PID1: variants seen among roughly 807,000 people sequenced by gnomAD.
PID1 encodes phosphotyrosine interaction domain containing 1, also known as PTB-containing, cubilin and LRP1-interacting protein.
In PID1, 10 loss-of-function variants were observed where a neutral mutation model predicts 19.1. The ratio of observed to expected loss-of-function variants is 0.52; its 90% CI spans 0.32 to 0.89. The LOEUF is 0.89. Ranked by LOEUF, PID1 falls within the 40% of genes least tolerant of loss-of-function variation. The pLI is 0.03. For missense variants in PID1, 248 were observed against 285.3 expected (o/e 0.87, Z 0.94); for synonymous variants, 130 against 116.0 (o/e 1.12, Z -0.78).
intron 2 of PID1, among the ~76,000 whole-genome samples, chr2:229,137,057 C>G (rs1180728881): frequency 6.6e-6 from 1 of 152,160 alleles, no homozygotes; most frequent in Non-Finnish European, 1.5e-5. Context: ...AGATGAGAGA[C>G]TATTTTTATT....
intron 1 of PID1, among the ~76,000 whole-genome samples, chr2:229,229,895 T>A (rs531843679): frequency 6.6e-6 from 1 of 152,182 alleles, no homozygotes; most frequent in South Asian, 2.1e-4. Flanking sequence ...AAGAGGACAT[T>A]TGAACTTGGC....
At chr2:229,033,325 G>C (rs1693594545) in intron 2 of PID1, among the ~76,000 whole-genome samples, 1 of 152,140 alleles carries the variant, frequency 6.6e-6, no homozygotes, top group Admixed American at 6.5e-5. Context: ...AGCTTAGCTT[G>C]GGTTCCACTT....
At chr2:229,247,246 A>C (rs1234965826) in intron 1 of PID1, among the ~76,000 whole-genome samples, 1 of 152,204 alleles carries the variant, frequency 6.6e-6, no homozygotes, top group Non-Finnish European at 1.5e-5. Context: ...CTCACACAGA[A>C]ACAAAGCCTG....
intron 2 of PID1, among the ~76,000 whole-genome samples, chr2:229,097,754 A>C (rs937377723): frequency 6.6e-6 from 1 of 152,124 alleles, no homozygotes; most frequent in African/African-American, 2.4e-5. Flanking sequence ...CTAACCGAAA[A>C]AGCTGAAAGT....
At chr2:229,068,228 G>A (rs1694371934) in intron 2 of PID1, among the ~76,000 whole-genome samples, 1 of 152,140 alleles carries the variant, frequency 6.6e-6, no homozygotes, top group Admixed American at 6.5e-5. Flanking sequence ...GGGGAGTTCT[G>A]GGGAGGACTC....
At chr2:229,223,850 G>C (rs950454749) in intron 1 of PID1, among the ~76,000 whole-genome samples, 1 of 152,186 alleles carries the variant, frequency 6.6e-6, no homozygotes, top group Non-Finnish European at 1.5e-5. Flanking sequence ...GCATAATGCT[G>C]AGGTTTGGGT....
chr2:229,266,145 T>A (rs1458512605), intron 1 of PID1, among the ~76,000 whole-genome samples: 1 of 152,276 alleles, frequency 6.6e-6, no homozygotes, highest in South Asian at 2.1e-4. Flanking sequence ...TCAACTACAA[T>A]TGATGAAAAC....
intron 1 of PID1, among the ~76,000 whole-genome samples, chr2:229,251,944 T>TAAAAA (rs11284650): frequency 1.4e-3 from 103 of 71,288 alleles, no homozygotes; most frequent in African/African-American, 2.0e-3. Flanking sequence ...AACCATAAGC[T>TAAAAA]AAAAAAAAAA....
At chr2:229,201,463 T>C (rs181603537) in intron 1 of PID1, among the ~76,000 whole-genome samples, 42 of 152,218 alleles carry the variant, frequency 2.8e-4, no homozygotes, top group Non-Finnish European at 4.1e-4. Context: ...ATTCCCTTCC[T>C]GTTTAAGGCT....
intron 2 of PID1, among the ~76,000 whole-genome samples, chr2:229,073,981 T>C (rs1694508808): frequency 6.6e-6 from 1 of 152,242 alleles, no homozygotes; most frequent in Non-Finnish European, 1.5e-5. Context: ...TTTCCCATCC[T>C]GGGGCCATAC....
At chr2:229,156,960 A>C (rs1055372260) in intron 1 of PID1, among the ~76,000 whole-genome samples, 2 of 152,110 alleles carry the variant, frequency 1.3e-5, no homozygotes, top group Non-Finnish European at 2.9e-5. Context: ...TGTCGTAGGT[A>C]TTTGCAAGTC....
intron 1 of PID1, among the ~76,000 whole-genome samples, chr2:229,181,721 T>C (rs1030381030): frequency 6.6e-6 from 1 of 152,150 alleles, no homozygotes. Context: ...AGAAATGACA[T>C]GCTGCTTTAT....
chr2:229,266,870 T>C (rs1314906949), intron 1 of PID1, among the ~76,000 whole-genome samples: 1 of 152,226 alleles, frequency 6.6e-6, no homozygotes, highest in Non-Finnish European at 1.5e-5. Flanking sequence ...CTTGCTCCTT[T>C]TGTCAATTTG....
chr2:229,248,038 G>C lies in PID1; in HGVS notation c.30+22976C>G, dbSNP rs1024237046. ...TTCCTCCCTTTACCCACATGCATTT[G>C]AGAGTAAGATACAGACGCTATTTCC... On this transcript the variant is annotated intron_variant, in intron 1 of 2. Coordinates refer to ENST00000392055, the MANE Select transcript of PID1 (RefSeq NM_001100818.2). Among the ~76,000 whole-genome samples the C allele has an allele frequency of 4.6e-5, 7 of 151,840 alleles. No homozygotes were observed. The East Asian group carries it at 7.8e-4, about 17-fold the overall frequency.
intron 2 of PID1, among the ~76,000 whole-genome samples, chr2:229,027,102 G>T (rs1476213799): frequency 6.6e-6 from 1 of 152,128 alleles, no homozygotes; most frequent in African/African-American, 2.4e-5. Context: ...CCAGAAGAGG[G>T]TCCGTGGAAA....
chr2:229,258,361 A>G (rs764423630), intron 1 of PID1, among the ~76,000 whole-genome samples: 5 of 152,254 alleles, frequency 3.3e-5, no homozygotes, highest in African/African-American at 4.8e-5. Flanking sequence ...GAACTAAATG[A>G]AGAAATGTTT....
intron 1 of PID1, among the ~76,000 whole-genome samples, chr2:229,267,238 G>A (rs1690613476): frequency 6.6e-6 from 1 of 152,208 alleles, no homozygotes; most frequent in African/African-American, 2.4e-5. Context: ...TCTTCACTGT[G>A]TTTCTCCCTC....
At chr2:229,255,631 T>C (rs1425397952) in intron 1 of PID1, among the ~76,000 whole-genome samples, 2 of 152,210 alleles carry the variant, frequency 1.3e-5, no homozygotes, top group Non-Finnish European at 2.9e-5. Context: ...TTCCAATGTT[T>C]GGCAGTAAAA....
chr2:229,146,525 TTGTGTGTGTG>T (rs143860908), intron 2 of PID1, among the ~76,000 whole-genome samples: 2 of 148,622 alleles, frequency 1.3e-5, no homozygotes, highest in African/African-American at 2.5e-5. Flanking sequence ...TGTGAACATT[TTGTGTGTGTG>T]TGTGTGTGTG....
Sources: allele counts gnomAD v4.1 joint callset (sites outside exome capture counted in the v4.1 genomes callset), GRCh38; gene constraint gnomAD v4.1.1; transcripts MANE v1.5; gene names NCBI Gene and HGNC (gene_info 2026-07-23, HGNC 2026-07-21).